Variants in MTAP observed in about 807,000 individuals in gnomAD.
MTAP encodes the protein S-methyl-5'-thioadenosine phosphorylase.
Under a neutral mutation model 33.6 loss-of-function variants are expected in MTAP, and 33 were observed. The observed-to-expected ratio is 0.98, with a 90% CI of 0.74 to 1.31. MTAP has a LOEUF of 1.31. MTAP is among the 40% of genes most tolerant of loss of function. MTAP has a pLI of 0.00. For synonymous variants in MTAP, 148 were observed against 125.7 expected, an observed-to-expected ratio of 1.18 and a Z score of -1.19; for missense variants, 367 against 360.0, an observed-to-expected ratio of 1.02 and a Z score of -0.16.
chr9:21,894,184 T>C (rs1818248654), intron 1 of MTAP, among the ~76,000 whole-genome samples: 1 of 149,146 alleles, frequency 6.7e-6, no homozygotes, highest in South Asian at 2.1e-4. Context: ...GAAAAGACTT[T>C]TGATAAAATT....
intron 1 of MTAP, among the ~76,000 whole-genome samples, chr9:21,897,247 A>T (rs1357335786): frequency 6.6e-6 from 1 of 152,218 alleles, no homozygotes; most frequent in Non-Finnish European, 1.5e-5. Context: ...GATAAGAGCT[A>T]TTTATGACAA....
chr9:21,900,550 C>G (rs1280967572), intron 1 of MTAP, among the ~76,000 whole-genome samples: 1 of 152,186 alleles, frequency 6.6e-6, no homozygotes, highest in Non-Finnish European at 1.5e-5. Flanking sequence ...AAATGGGACA[C>G]TAATACACTG....
At chr9:21,915,014 TCCTTCCTTCCTTCCTTCCTTCCTTCCTTC>T (rs1818656201) in intron 1 of MTAP, among the ~76,000 whole-genome samples, 13 of 92,430 alleles carry the variant, frequency 1.4e-4, no homozygotes, top group African/African-American at 7.7e-4. Flanking sequence ...CTTCCTTCCT[TCCTTCCTTCCTTCCTTCCTTCCTTCCTTC>T]CTTCCTTCCT....
intron 1 of MTAP, among the ~76,000 whole-genome samples, chr9:21,889,007 G>A (rs963005274): frequency 1.3e-5 from 2 of 151,880 alleles, no homozygotes; most frequent in Non-Finnish European, 2.9e-5. Flanking sequence ...AGCAAAATAA[G>A]TTGTTTGAAT....
chr9:21,823,338 T>C (rs867183061), intron 4 of MTAP, among the ~76,000 whole-genome samples: 36 of 152,238 alleles, frequency 2.4e-4, no homozygotes, highest in African/African-American at 6.8e-4. Context: ...CATTTGCTTG[T>C]CTGTAAAGGA....
intron 5 of MTAP, among the ~76,000 whole-genome samples, chr9:21,841,147 G>A (rs1825233135): frequency 6.6e-6 from 1 of 152,124 alleles, no homozygotes; most frequent in African/African-American, 2.4e-5. Flanking sequence ...GCCCCAACCT[G>A]ATGGTATTTC....
chr9:21,884,901 ATAC>A (rs1587274322), intron 1 of MTAP, among the ~76,000 whole-genome samples: 1 of 152,314 alleles, frequency 6.6e-6, no homozygotes, highest in East Asian at 1.9e-4. Flanking sequence ...TCAAGGTTGC[ATAC>A]ACAATTAGTA....
intron 5 of MTAP, among the ~76,000 whole-genome samples, chr9:21,847,004 A>G (rs1825400862): frequency 6.6e-6 from 1 of 152,186 alleles, no homozygotes; most frequent in Non-Finnish European, 1.5e-5. Context: ...GTGGGCTGGG[A>G]AAGGCAGACC....
chr9:21,850,842 A>G (rs930672992), intron 5 of MTAP, among the ~76,000 whole-genome samples: 1 of 152,190 alleles, frequency 6.6e-6, no homozygotes. Context: ...AATGGTATAT[A>G]TATGACTGGG....
At chr9:21,919,354 C>T (rs898024538) in intron 1 of MTAP, among the ~76,000 whole-genome samples, 1 of 152,150 alleles carries the variant, frequency 6.6e-6, no homozygotes, top group African/African-American at 2.4e-5. Flanking sequence ...TTTGAAGATA[C>T]TCTGAAAAAA....
intron 1 of MTAP, among the ~76,000 whole-genome samples, chr9:21,912,446 G>A (rs1012025288): frequency 1.2e-4 from 18 of 152,154 alleles, no homozygotes; most frequent in Non-Finnish European, 2.4e-4. Flanking sequence ...GATCAAGTGG[G>A]CTTCATCCCT....
At chr9:21,850,594 G>A (rs184566833) in intron 5 of MTAP, among the ~76,000 whole-genome samples, 23 of 152,320 alleles carry the variant, frequency 1.5e-4, no homozygotes, top group Non-Finnish European at 2.6e-4. Context: ...CCCCATAGGT[G>A]AATTACAGTG....
chr9:21,862,260 G>GATAC lies in MTAP; in HGVS notation c.*246_*247insATAC. On this transcript the variant is annotated 3_prime_UTR_variant, in exon 8 of 8. Transcript: ENST00000644715. ...GTGGGAAAAAATATTACATTTTAAG[G>GATAC]GGGAAAAAAAAACCCACCATTCTCT... The GATAC allele has an allele frequency of 1.0e-6, 1 of 974,754 alleles. No homozygotes were observed. The allele number at this position is 974,754 out of a possible 1,614,324, so 60.4% of individuals were successfully genotyped here.
chr9:21,834,479 G>T (rs1453700360), intron 4 of MTAP, among the ~76,000 whole-genome samples: 1 of 152,226 alleles, frequency 6.6e-6, no homozygotes, highest in Non-Finnish European at 1.5e-5. Flanking sequence ...TGTATCGTGG[G>T]TCTCACTGAA....
chr9:21,938,185 G>T (rs1819070750), downstream of MTAP, among the ~76,000 whole-genome samples: 2 of 151,502 alleles, frequency 1.3e-5, no homozygotes, highest in African/African-American at 4.9e-5. Flanking sequence ...GAGGCAGGAG[G>T]ATTGCTTGAA....
chr9:21,807,005 A>G (rs1441264674), intron 1 of MTAP, among the ~76,000 whole-genome samples: 1 of 152,136 alleles, frequency 6.6e-6, no homozygotes, highest in Non-Finnish European at 1.5e-5. Flanking sequence ...TTCTACAAAA[A>G]ATACAAAAAT....
intron 1 of MTAP, among the ~76,000 whole-genome samples, chr9:21,804,857 G>C (rs1247498414): frequency 2.6e-5 from 4 of 152,222 alleles, no homozygotes; most frequent in Non-Finnish European, 5.9e-5. Context: ...ATTGGGCCTA[G>C]AGCCTGGCAT....
intron 1 of MTAP, chr9:21,803,004 A>ACACACACACACACACACCAC: frequency 2.0e-6 from 2 of 1,024,334 alleles, no homozygotes. Flanking sequence ...ACACACACAC[A>ACACACACACACACACACCAC]CACACACACA....
intron 1 of MTAP, among the ~76,000 whole-genome samples, chr9:21,885,461 C>T (rs529155086): frequency 6.6e-6 from 1 of 151,988 alleles, no homozygotes; most frequent in Non-Finnish European, 1.5e-5. Flanking sequence ...TTTTGGGGAA[C>T]AGGTGTTGTT....
Sources: gnomAD v4.1 joint callset for allele counts (sites outside exome capture counted in the v4.1 genomes callset) on GRCh38, gnomAD v4.1.1 for gene constraint, MANE v1.5 for transcripts, NCBI Gene and HGNC (gene_info 2026-07-23, HGNC 2026-07-21) for gene names.